The following MECOM variants were observed in gnomAD, a reference collection of about 807,000 sequenced individuals.
MECOM encodes MDS1 and EVI1 complex locus.
In MECOM, 13 loss-of-function variants were observed where a neutral mutation model predicts 116.3. The ratio of observed to expected loss-of-function variants is 0.11; its 90% CI spans 0.07 to 0.18. MECOM has a LOEUF of 0.18. Ranked by LOEUF, MECOM falls within the 10% of genes least tolerant of loss-of-function variation. MECOM has a pLI of 1.00. For synonymous variants in MECOM, 528 were observed against 535.2 expected, an observed-to-expected ratio of 0.99 and a Z score of 0.19; for missense variants, 1,299 against 1,509.0, an observed-to-expected ratio of 0.86 and a Z score of 2.31.
Position 169,183,956 on chromosome 3 carries a change from C to T in MECOM, c.376-40124G>A, listed in dbSNP as rs567413720. ...CTCGGCTCACTGCAAGCTCCACCTC[C>T]CGGGTTCACGCCATTCTCCTGCCTC... On this transcript the variant is annotated intron_variant, in intron 2 of 16. Transcript: ENST00000651503. Among the ~76,000 whole-genome samples the T allele has an allele frequency of 1.1e-4, 16 of 151,946 alleles. No individual in the cohort carries two copies. The East Asian group carries it at 2.9e-3, about 28-fold the overall frequency.
At chr3:169,122,470 T>C in intron 6 of MECOM, 110 bp downstream of exon 6, 1 of 1,257,076 alleles carries the variant, frequency 8.0e-7, no homozygotes, top group Non-Finnish European at 1.1e-6. Flanking sequence ...TTTCTCAAGA[T>C]ATTTATAGTT....
chr3:169,184,277 A>AG (rs1746427970), intron 2 of MECOM, among the ~76,000 whole-genome samples: 1 of 152,156 alleles, frequency 6.6e-6, no homozygotes, highest in African/African-American at 2.4e-5. Context: ...TAGAGAAGGT[A>AG]GGGAAAAAGA....
intron 2 of MECOM, among the ~76,000 whole-genome samples, chr3:169,365,998 GA>G (rs1729095463): frequency 6.6e-6 from 1 of 151,008 alleles, no homozygotes. Context: ...GAGAGGACTG[GA>G]AAAGGTTAAC....
intron 1 of MECOM, among the ~76,000 whole-genome samples, chr3:169,645,416 G>T (rs993327214): frequency 1.3e-5 from 2 of 152,112 alleles, no homozygotes; most frequent in Admixed American, 6.5e-5. Context: ...AGACAAAAGT[G>T]GCTAGCAATA....
At chr3:169,346,448 G>T (rs552045195) in intron 2 of MECOM, among the ~76,000 whole-genome samples, 3 of 151,946 alleles carry the variant, frequency 2.0e-5, no homozygotes, top group Non-Finnish European at 4.4e-5. Flanking sequence ...ACCCAAGGTT[G>T]GGAGGATTCA....
At chr3:169,460,009 GAAGT>G (rs1329776262) in intron 1 of MECOM, among the ~76,000 whole-genome samples, 11 of 152,126 alleles carry the variant, frequency 7.2e-5, no homozygotes, top group Non-Finnish European at 1.0e-4. Context: ...CTGTGGTAAA[GAAGT>G]AAGAGCCCAA....
chr3:169,398,275 C>G (rs1255384642), intron 1 of MECOM, among the ~76,000 whole-genome samples: 1 of 152,126 alleles, frequency 6.6e-6, no homozygotes, highest in African/African-American at 2.4e-5. Flanking sequence ...AGTGCTCTCT[C>G]TATGGATTTA....
chr3:169,459,962 G>C lies in MECOM; in HGVS notation c.38-78438C>G, dbSNP rs138175906. Among the ~76,000 whole-genome samples, 38 of 152,240 alleles carry C rather than the reference G, an allele frequency of 2.5e-4. No individual in the cohort carries two copies. The East Asian group carries it at 7.3e-3, about 29-fold the overall frequency. ...AATCTTCTTAACTCTTTAGGCTGCTGTAATCCTTTTCCAAAATGTTTAAGA... is the reference window on the plus strand; with the variant it reads ...AATCTTCTTAACTCTTTAGGCTGCTCTAATCCTTTTCCAAAATGTTTAAGA... On this transcript the variant is annotated intron_variant, in intron 1 of 16. Transcript: ENST00000651503.
intron 2 of MECOM, among the ~76,000 whole-genome samples, chr3:169,311,455 A>G (rs1718750762): frequency 6.6e-6 from 1 of 152,214 alleles, no homozygotes; most frequent in Non-Finnish European, 1.5e-5. Flanking sequence ...AAGCAAAATC[A>G]AAAACACTTC....
chr3:169,262,926 A>G (rs191964128), intron 2 of MECOM, among the ~76,000 whole-genome samples: 22 of 151,180 alleles, frequency 1.5e-4, no homozygotes, highest in African/African-American at 4.9e-4. Context: ...CTGGGGATGG[A>G]ACTGAGAAAC....
At position 169,096,164 on chromosome 3, in the gene MECOM, T is replaced by C. The variant is rs543259255; in HGVS notation, c.2850-919A>G. Among the ~76,000 whole-genome samples, 4 of 152,294 alleles carry C rather than the reference T, an allele frequency of 2.6e-5. No individual in the cohort carries two copies. In the East Asian group the frequency reaches 7.7e-4, roughly 29 times the overall value. ...AGGGTTTTTAGTAATTGAGAAGGTATTGTCCTCTGTCATTTTAAGGTAAAG... is the reference window on the plus strand; with the variant it reads ...AGGGTTTTTAGTAATTGAGAAGGTACTGTCCTCTGTCATTTTAAGGTAAAG... On this transcript the variant is annotated intron_variant, in intron 12 of 16. Transcript: ENST00000651503.
intron 2 of MECOM, among the ~76,000 whole-genome samples, chr3:169,360,684 G>A (rs1179736814): frequency 2.0e-5 from 3 of 151,640 alleles, no homozygotes; most frequent in Admixed American, 6.6e-5. Flanking sequence ...AGAGCCCAGG[G>A]GGGAAAAAAA....
In MECOM at chr3:169,550,930, T is replaced by C. The variant is rs894729421; in HGVS notation, c.37+112406A>G. 2.0e-4 allele frequency among the ~76,000 whole-genome samples: 20 copies of C among 100,790 alleles called. 1 individual carries two copies. Among genetic ancestry groups the C allele is most frequent in the Non-Finnish European group, 3.6e-4 (17 of 46,696 alleles). The allele number at this position is 100,790 out of a possible 152,430, so 66.1% of individuals were successfully genotyped here. A position where few individuals can be genotyped will look rare whatever the true frequency, so the allele number is the denominator to read the frequency against. On this transcript the variant is annotated intron_variant, in intron 1 of 16. Transcript: ENST00000651503. ...GCTCCGCCTCCCGGGTTCACGCCAT[T>C]CTCCTGCCTCAGCCTCCCAAGTAGC...
intron 2 of MECOM, among the ~76,000 whole-genome samples, chr3:169,377,301 G>A (rs573152110): frequency 1.3e-5 from 2 of 151,946 alleles, no homozygotes; most frequent in Non-Finnish European, 2.9e-5. Context: ...CAAAAGCAAT[G>A]GCAACAAAAG....
At chr3:169,649,286 C>T (rs1315158691) in intron 1 of MECOM, among the ~76,000 whole-genome samples, 1 of 151,578 alleles carries the variant, frequency 6.6e-6, no homozygotes, top group Non-Finnish European at 1.5e-5. Context: ...ATGGTGAAAC[C>T]CTGTCTCAGC....
chr3:169,240,006 T>G (rs933615318), intron 2 of MECOM, among the ~76,000 whole-genome samples: 1 of 152,226 alleles, frequency 6.6e-6, no homozygotes, highest in East Asian at 1.9e-4. Context: ...ATTTCCTGTC[T>G]ACATTTTCAT....
chr3:169,453,299 C>T (rs1052650281), intron 1 of MECOM, among the ~76,000 whole-genome samples: 4 of 152,118 alleles, frequency 2.6e-5, no homozygotes, highest in African/African-American at 9.7e-5. Flanking sequence ...TGACAAATGG[C>T]CTATTAATTA....
intron 1 of MECOM, among the ~76,000 whole-genome samples, chr3:169,396,870 G>A (rs1345182571): frequency 1.3e-5 from 2 of 152,136 alleles, no homozygotes; most frequent in Admixed American, 6.5e-5. Context: ...CTACTCAGGA[G>A]GCTGAGGTAG....
intron 16 of MECOM, among the ~76,000 whole-genome samples, chr3:169,088,371 G>C (rs1576822118): frequency 6.6e-6 from 1 of 152,112 alleles, no homozygotes; most frequent in East Asian, 1.9e-4. Context: ...AGTTACCATA[G>C]TGCTGATACA....
Sources: gnomAD v4.1 joint callset for allele counts (sites outside exome capture counted in the v4.1 genomes callset) on GRCh38, gnomAD v4.1.1 for gene constraint, MANE v1.5 for transcripts, NCBI Gene and HGNC (gene_info 2026-07-23, HGNC 2026-07-21) for gene names.